Variants in CDKAL1 observed in about 807,000 individuals in gnomAD.
CDKAL1 encodes the protein CDKAL1 threonylcarbamoyladenosine tRNA methylthiotransferase.
Under a neutral mutation model 68.2 loss-of-function variants are expected in CDKAL1, and 32 were observed. The ratio of observed to expected loss-of-function variants is 0.47; its 90% CI spans 0.35 to 0.63. The LOEUF is 0.63. Ranked by LOEUF, CDKAL1 falls within the 30% of genes least tolerant of loss-of-function variation. CDKAL1 has a pLI of 0.00. For missense variants in CDKAL1, 606 were observed against 696.7 expected, an observed-to-expected ratio of 0.87 and a Z score of 1.47; for synonymous variants, 234 against 244.3, an observed-to-expected ratio of 0.96 and a Z score of 0.39.
At chr6:20,624,155 T>A (rs557200156) in intron 4 of CDKAL1, among the ~76,000 whole-genome samples, 1 of 152,148 alleles carries the variant, frequency 6.6e-6, no homozygotes, top group East Asian at 1.9e-4. Flanking sequence ...TTTTCAAAAT[T>A]TATGAGCAGA....
chr6:20,750,716 C>A (rs1773879087), intron 6 of CDKAL1, among the ~76,000 whole-genome samples: 1 of 152,038 alleles, frequency 6.6e-6, no homozygotes, highest in African/African-American at 2.4e-5. Context: ...GTAATCCCAG[C>A]ACTTTGGGAG....
intron 5 of CDKAL1, among the ~76,000 whole-genome samples, chr6:20,719,642 T>TA (rs1300382242): frequency 6.6e-6 from 1 of 152,226 alleles, no homozygotes; most frequent in Non-Finnish European, 1.5e-5. Flanking sequence ...GTTTAACCTC[T>TA]ATTGTAAAAT....
At chr6:20,941,257 T>G (rs189498875) in intron 9 of CDKAL1, among the ~76,000 whole-genome samples, 1 of 152,332 alleles carries the variant, frequency 6.6e-6, no homozygotes, top group Non-Finnish European at 1.5e-5. Flanking sequence ...ATTTCTTATT[T>G]CTAATGCTAC....
chr6:20,678,092 T>TTG (rs1554176223), intron 5 of CDKAL1, among the ~76,000 whole-genome samples: 4 of 50,976 alleles, frequency 7.8e-5, no homozygotes, highest in South Asian at 9.1e-4. Context: ...ATCTGTGTTG[T>TTG]TTTTTTTTTT....
intron 2 of CDKAL1, among the ~76,000 whole-genome samples, chr6:20,544,570 T>C (rs1360576025): frequency 1.7e-5 from 2 of 114,942 alleles, no homozygotes; most frequent in Non-Finnish European, 3.2e-5. Flanking sequence ...CACTCCAGCC[T>C]GGGCCACAGA....
intron 5 of CDKAL1, among the ~76,000 whole-genome samples, chr6:20,677,143 T>C (rs911489485): frequency 4.6e-5 from 7 of 152,132 alleles, no homozygotes; most frequent in African/African-American, 1.7e-4. Context: ...CGATTTTGGC[T>C]CACTGCAACC....
chr6:20,926,175 C>T (rs992430393), intron 9 of CDKAL1, among the ~76,000 whole-genome samples: 6 of 152,078 alleles, frequency 3.9e-5, no homozygotes, highest in African/African-American at 1.2e-4. Flanking sequence ...TGGAAATTCG[C>T]TGCAGAAGGG....
intron 5 of CDKAL1, among the ~76,000 whole-genome samples, chr6:20,729,643 T>C (rs952041464): frequency 1.3e-5 from 2 of 152,244 alleles, no homozygotes; most frequent in African/African-American, 4.8e-5. Context: ...CCTCATGAGG[T>C]AGGAAATTCT....
chr6:21,159,101 C>CTTTTTTTTTTTTTTTTT (rs10645059), intron 13 of CDKAL1, among the ~76,000 whole-genome samples: 1 of 135,810 alleles, frequency 7.4e-6, no homozygotes. Context: ...CTGAAACCTC[C>CTTTTTTTTTTTTTTTTT]TTTTTTTTTT....
chr6:20,931,830 A>C (rs542106233), intron 9 of CDKAL1, among the ~76,000 whole-genome samples: 2 of 152,232 alleles, frequency 1.3e-5, no homozygotes, highest in Non-Finnish European at 2.9e-5. Context: ...TTTTTCGAGC[A>C]ACTGTCATTT....
chr6:21,079,684 T>C (rs1772271154), intron 12 of CDKAL1, among the ~76,000 whole-genome samples: 1 of 152,238 alleles, frequency 6.6e-6, no homozygotes, highest in Non-Finnish European at 1.5e-5. Context: ...TAAGGCAATA[T>C]AAATTGATTT....
chr6:20,612,466 T>C (rs2127723554), intron 4 of CDKAL1, among the ~76,000 whole-genome samples: 1 of 152,318 alleles, frequency 6.6e-6, no homozygotes, highest in South Asian at 2.1e-4. Flanking sequence ...TGAGATGATA[T>C]CTCATTGTGG....
chr6:20,590,924 A>G (rs1264183338), intron 4 of CDKAL1, among the ~76,000 whole-genome samples: 2 of 152,140 alleles, frequency 1.3e-5, no homozygotes, highest in Non-Finnish European at 2.9e-5. Flanking sequence ...TCCTTGAGGA[A>G]TTGCCACACT....
rs1312024269 is a variant in CDKAL1 at position 20,910,298 on chromosome 6, AATGCTG to A, written c.743-45120_743-45115del. ...TAGTTCTTATGGGAGATGTTTAGGT[AATGCTG>A]CCTGACCTTGAGAGCTCAGCGTGGC... On this transcript the variant is annotated intron_variant, in intron 9 of 15. Transcript: ENST00000274695. 4.7e-4 allele frequency among the ~76,000 whole-genome samples: 71 copies of A among 152,324 alleles called. 2 individuals are homozygous for A. The highest frequency in any genetic ancestry group is 7.6e-4 in the Non-Finnish European group (52 of 68,030).
intron 5 of CDKAL1, among the ~76,000 whole-genome samples, chr6:20,703,211 A>G (rs1290777355): frequency 6.6e-6 from 1 of 152,196 alleles, no homozygotes; most frequent in Non-Finnish European, 1.5e-5. Context: ...CTTGGCAAAC[A>G]ATGGCCCTCA....
intron 9 of CDKAL1, among the ~76,000 whole-genome samples, chr6:20,909,698 T>G (rs944491805): frequency 4.6e-5 from 7 of 152,174 alleles, no homozygotes; most frequent in African/African-American, 1.7e-4. Flanking sequence ...GAGCCTATAC[T>G]TGTAGGAAGG....
intron 11 of CDKAL1, among the ~76,000 whole-genome samples, chr6:21,009,761 C>T (rs1273263205): frequency 3.3e-5 from 5 of 152,080 alleles, no homozygotes; most frequent in African/African-American, 9.7e-5. Flanking sequence ...ACAAATACCG[C>T]GTGTTCTCAC....
chr6:21,073,303 T>TGTG (rs988264161), intron 12 of CDKAL1, among the ~76,000 whole-genome samples: 3 of 152,204 alleles, frequency 2.0e-5, no homozygotes, highest in African/African-American at 7.2e-5. Context: ...CAGGTTTTTT[T>TGTG]GTGGACCTAA....
chr6:20,692,566 A>C (rs1473404489), intron 5 of CDKAL1, among the ~76,000 whole-genome samples: 1 of 152,164 alleles, frequency 6.6e-6, no homozygotes, highest in African/African-American at 2.4e-5. Context: ...AAATTTTGTG[A>C]TTCTTGTGGT....
Sources: gnomAD v4.1 joint callset for allele counts (sites outside exome capture counted in the v4.1 genomes callset) on GRCh38, gnomAD v4.1.1 for gene constraint, MANE v1.5 for transcripts, NCBI Gene and HGNC (gene_info 2026-07-23, HGNC 2026-07-21) for gene names.